The following TBL1XR1 variants were observed in gnomAD, a reference collection of about 807,000 sequenced individuals.
The protein encoded by TBL1XR1 is TBL1X/Y related 1, also known as F-box-like/WD repeat-containing protein TBL1XR1.
In TBL1XR1, 5 loss-of-function variants were observed where a neutral mutation model predicts 66.9. That is an observed-to-expected ratio of 0.07 (90% CI 0.04 to 0.16). The LOEUF (loss-of-function observed/expected upper bound fraction) is 0.16. TBL1XR1 is among the 10% of genes least tolerant of loss of function. The pLI, the probability that TBL1XR1 is intolerant of heterozygous loss-of-function variation, is 1.00. For missense variants in TBL1XR1, 238 were observed against 623.2 expected, an observed-to-expected ratio of 0.38 and a Z score of 6.58; for synonymous variants, 210 against 206.0, an observed-to-expected ratio of 1.02 and a Z score of -0.17.
intron 1 of TBL1XR1, among the ~76,000 whole-genome samples, chr3:177,169,690 T>C (rs1385999381): frequency 6.6e-6 from 1 of 152,130 alleles, no homozygotes; most frequent in East Asian, 1.9e-4. Flanking sequence ...CATATAACTG[T>C]TTCCAAACAC....
At chr3:177,125,438 T>G (rs978286789) in intron 1 of TBL1XR1, among the ~76,000 whole-genome samples, 10 of 152,178 alleles carry the variant, frequency 6.6e-5, no homozygotes, top group Non-Finnish European at 1.5e-4. Context: ...CCTCATTCAC[T>G]GCTGGTGGAA....
chr3:177,080,060 C>T (rs1195198889), intron 2 of TBL1XR1: 1 of 152,112 alleles, frequency 6.6e-6, no homozygotes. Flanking sequence ...TTTCTGTTAA[C>T]AGTAAGGTTT....
At chr3:177,044,547 T>C (rs1716057114) in intron 10 of TBL1XR1, among the ~76,000 whole-genome samples, 1 of 152,146 alleles carries the variant, frequency 6.6e-6, no homozygotes, top group Non-Finnish European at 1.5e-5. Flanking sequence ...AAGAAACGTC[T>C]GAAGGTAACA....
At chr3:177,197,713 G>T (rs1737084887), upstream of TBL1XR1, among the ~76,000 whole-genome samples, 1 of 145,618 alleles carries the variant, frequency 6.9e-6, no homozygotes, top group African/African-American at 2.5e-5. Flanking sequence ...GGCGCGGCGG[G>T]GGGGCTCCAG....
At chr3:177,090,071 GC>G (rs1273234605) in intron 2 of TBL1XR1, among the ~76,000 whole-genome samples, 14 of 152,254 alleles carry the variant, frequency 9.2e-5, no homozygotes, top group South Asian at 4.1e-4. Context: ...CACATTTCAT[GC>G]TCCTATCTAA....
intron 1 of TBL1XR1, among the ~76,000 whole-genome samples, chr3:177,170,514 G>C (rs762047939): frequency 6.6e-6 from 1 of 152,072 alleles, no homozygotes; most frequent in Non-Finnish European, 1.5e-5. Flanking sequence ...TGCTTACCTG[G>C]CTCTTATTTC....
At chr3:177,072,428 G>A (rs1175745864) in intron 2 of TBL1XR1, among the ~76,000 whole-genome samples, 1 of 150,600 alleles carries the variant, frequency 6.6e-6, no homozygotes, top group Non-Finnish European at 1.5e-5. Context: ...AAGACCTGAT[G>A]GTATTACTAG....
At chr3:177,140,278 T>C (rs139730873) in intron 1 of TBL1XR1, among the ~76,000 whole-genome samples, 4 of 152,202 alleles carry the variant, frequency 2.6e-5, no homozygotes, top group African/African-American at 9.6e-5. Flanking sequence ...CCAGCCTGGG[T>C]GACGGAGTGA....
chr3:177,075,538 A>G (rs181167964), intron 2 of TBL1XR1, among the ~76,000 whole-genome samples: 200 of 152,344 alleles, frequency 1.3e-3, no homozygotes, highest in African/African-American at 4.4e-3. Flanking sequence ...GTGGTTCAAT[A>G]CAGATTTCCA....
rs367626124 is a variant in TBL1XR1 at position 177,061,109 on chromosome 3, A to G, written c.58+3811T>C. 4.7e-4 allele frequency among the ~76,000 whole-genome samples: 71 copies of G among 152,342 alleles called. 2 individuals are homozygous for G. The South Asian group carries it at 0.014, about 31-fold the overall frequency. On this transcript the variant is annotated intron_variant, in intron 3 of 15. Transcript: ENST00000457928. The stretch of plus-strand genomic sequence containing the variant: ...AGTTACAATAGTTAATAAAAACCCT[A>G]CAATAAATATATTTTTCTTTAATTA...
rs188761605 is a variant in TBL1XR1, at chr3:177,125,799, A to G, written c.-121-27258T>C. 2.2e-3 allele frequency among the ~76,000 whole-genome samples: 333 copies of G among 152,338 alleles called. 1 individual carries two copies. The highest frequency in any genetic ancestry group is 3.1e-3 in the Non-Finnish European group (213 of 68,020). ...CCAAGTTTTCAAATTTCCAAGTAAA[A>G]AAATTACCCTCCAAACTGACAAAGA... is the stretch of plus-strand genomic sequence containing the variant. On this transcript the variant is annotated intron_variant, in intron 1 of 15. Coordinates refer to ENST00000457928, the MANE Select transcript of TBL1XR1 (RefSeq NM_024665.7).
intron 2 of TBL1XR1, among the ~76,000 whole-genome samples, chr3:177,069,412 T>C (rs1254213235): frequency 1.3e-5 from 2 of 152,012 alleles, no homozygotes; most frequent in South Asian, 4.2e-4. Flanking sequence ...TCAACCTTTA[T>C]AAACACCAAC....
chr3:177,068,889 G>A (rs1430371869), intron 2 of TBL1XR1, among the ~76,000 whole-genome samples: 3 of 152,168 alleles, frequency 2.0e-5, no homozygotes, highest in East Asian at 1.9e-4. Flanking sequence ...CTCTTTGCAT[G>A]ATCTAAAGTC....
At position 177,019,384 on chromosome 3, in the gene TBL1XR1, A is replaced by G. The variant is rs1332456236; in HGVS notation, c.*6114T>C. On this transcript the variant is annotated 3_prime_UTR_variant, in exon 16 of 16. Coordinates refer to ENST00000457928, the MANE Select transcript of TBL1XR1 (RefSeq NM_024665.7). ...CTTTACTAAACACTTTGTGTTTAAT[A>G]TATTTTAAATTGTAAAGAAATTACA... 4 of 152,192 alleles carry G rather than the reference A, an allele frequency of 2.6e-5. No homozygotes were observed. The East Asian group carries it at 5.8e-4, about 22-fold the overall frequency. 9.4% of individuals were successfully genotyped at this position (152,192 alleles called of 1,614,324 possible).
At chr3:177,142,067 T>A (rs1360702505) in intron 1 of TBL1XR1, among the ~76,000 whole-genome samples, 1 of 152,144 alleles carries the variant, frequency 6.6e-6, no homozygotes, top group Non-Finnish European at 1.5e-5. Flanking sequence ...TGAGAAGAAG[T>A]TGCTTAATGG....
chr3:177,139,590 C>T (rs541106166), intron 1 of TBL1XR1, among the ~76,000 whole-genome samples: 2 of 149,860 alleles, frequency 1.3e-5, no homozygotes, highest in African/African-American at 2.5e-5. Context: ...TAAAATGGGA[C>T]ATAACTAAAC....
At chr3:177,156,468 T>C (rs1731517001) in intron 1 of TBL1XR1, among the ~76,000 whole-genome samples, 1 of 148,140 alleles carries the variant, frequency 6.8e-6, no homozygotes, top group East Asian at 2.0e-4. Context: ...CATTGCAGCC[T>C]AGGGACAGAG....
At chr3:177,106,088 G>A (rs1249725725) in intron 1 of TBL1XR1, among the ~76,000 whole-genome samples, 1 of 151,656 alleles carries the variant, frequency 6.6e-6, no homozygotes, top group African/African-American at 2.4e-5. Context: ...GAAAAGTAAG[G>A]ACAATGATAA....
intron 3 of TBL1XR1, among the ~76,000 whole-genome samples, chr3:177,064,706 A>G (rs1718937720): frequency 1.4e-5 from 2 of 146,968 alleles, no homozygotes; most frequent in Non-Finnish European, 3.0e-5. Context: ...AACGAAAGCC[A>G]AACTGTTACA....
Sources: gnomAD v4.1 joint callset for allele counts (sites outside exome capture counted in the v4.1 genomes callset) on GRCh38, gnomAD v4.1.1 for gene constraint, MANE v1.5 for transcripts, NCBI Gene and HGNC (gene_info 2026-07-23, HGNC 2026-07-21) for gene names.